Variants in FLRT3 observed in about 807,000 individuals in gnomAD.
FLRT3 encodes fibronectin leucine rich transmembrane protein 3.
A neutral mutation model predicts 42.6 loss-of-function variants in FLRT3; 17 were observed. That is an observed-to-expected ratio of 0.40 (90% CI 0.27 to 0.60). The LOEUF (loss-of-function observed/expected upper bound fraction) is 0.60. Ranked by LOEUF, FLRT3 falls within the 20% of genes least tolerant of loss-of-function variation. The pLI, the probability that FLRT3 is intolerant of heterozygous loss-of-function variation, is 0.44. For missense variants in FLRT3, 635 were observed against 789.2 expected, an observed-to-expected ratio of 0.80 and a Z score of 2.34; for synonymous variants, 279 against 286.4, an observed-to-expected ratio of 0.97 and a Z score of 0.26.
intron 1 of FLRT3, among the ~76,000 whole-genome samples, chr20:14,333,873 C>T (rs1053067249): frequency 2.0e-5 from 3 of 152,182 alleles, no homozygotes; most frequent in African/African-American, 7.2e-5. Flanking sequence ...CAGTGGCACA[C>T]TTTAAAAATG....
At chr20:14,335,106 C>G (rs2082913346) in intron 1 of FLRT3, among the ~76,000 whole-genome samples, 1 of 152,126 alleles carries the variant, frequency 6.6e-6, no homozygotes, top group Non-Finnish European at 1.5e-5. Context: ...GGGCTTAAAA[C>G]TGTTCAAAAT....
rs763459859 is a variant in FLRT3, at chr20:14,325,851, A to G, written c.1656T>C (p.Val552=). 32 of 1,613,934 alleles carry G rather than the reference A, an allele frequency of 2.0e-5. No homozygotes were observed. The highest frequency in any genetic ancestry group is 2.5e-5 in the Non-Finnish European group (29 of 1,179,878). ...TTGAGAAGAGCGATCCATTCCTATGAACATACCAACACACTAAAGCAAGAA... is the reference window on the plus strand; with the variant it reads ...TTGAGAAGAGCGATCCATTCCTATGGACATACCAACACACTAAAGCAAGAA... The part of the protein sequence containing the change: ...IALLALVCWY[V]HRNGSLFSRN... Residue 552 remains valine, a synonymous_variant, in exon 3 of 3, where the codon GTT becomes GTC. Transcript: ENST00000341420.
chr20:14,328,632 T>C (rs2082778049), intron 2 of FLRT3, among the ~76,000 whole-genome samples: 1 of 152,126 alleles, frequency 6.6e-6, no homozygotes, highest in African/African-American at 2.4e-5. Flanking sequence ...AATGCACATA[T>C]ATTATTTTCC....
rs567937570 is a variant in FLRT3, at chr20:14,324,584, C to T, written c.*973G>A. 3 of 152,168 alleles carry T rather than the reference C, an allele frequency of 2.0e-5. No individual in the cohort carries two copies. The highest frequency in any genetic ancestry group is 2.1e-4 in the South Asian group (1 of 4,814). 9.4% of individuals were successfully genotyped at this position (152,168 alleles called of 1,614,324 possible). ...CTTTCTCTGGATTGTTGAGGGGAATCGCTTATAATTACATTACATTTTTAA... is the reference window on the plus strand; with the variant it reads ...CTTTCTCTGGATTGTTGAGGGGAATTGCTTATAATTACATTACATTTTTAA... On this transcript the variant is annotated 3_prime_UTR_variant, in exon 3 of 3. Coordinates refer to ENST00000341420, the MANE Select transcript of FLRT3 (RefSeq NM_198391.3).
intron 2 of FLRT3, among the ~76,000 whole-genome samples, chr20:14,328,066 A>G (rs2082767837): frequency 1.3e-5 from 2 of 152,034 alleles, no homozygotes; most frequent in African/African-American, 2.4e-5. Context: ...AAAAATACCT[A>G]TTCTCTTCAT....
At chr20:14,330,779 T>C (rs1003538134) in intron 1 of FLRT3, among the ~76,000 whole-genome samples, 6 of 152,244 alleles carry the variant, frequency 3.9e-5, no homozygotes, top group African/African-American at 1.4e-4. Context: ...TTTAGGGCTT[T>C]GCTCATTATT....
At chr20:14,332,759 T>C (rs1009295688) in intron 1 of FLRT3, among the ~76,000 whole-genome samples, 2 of 152,084 alleles carry the variant, frequency 1.3e-5, no homozygotes, top group African/African-American at 4.8e-5. Context: ...AGAAAACACA[T>C]GCCTAAACAA....
chr20:14,327,474 G>A lies in FLRT3; in HGVS notation c.33C>T (p.Ile11=), dbSNP rs752914876. The A allele has an allele frequency of 4.1e-5, 66 of 1,612,996 alleles. No individual in the cohort carries two copies. The highest frequency in any genetic ancestry group is 3.3e-4 in the East Asian group (15 of 44,858). ...GAAGGAACAGCCCAATTTTAGTCCC[G>A]ATGAGGAAGATGCTCCAGGCTGCGC... MISAAWSIFL[I]GTKIGLFLQV... Residue 11 remains isoleucine, a synonymous_variant, in exon 3 of 3, where the codon ATC becomes ATT. Transcript: ENST00000341420.
At position 14,326,000 on chromosome 20, in the gene FLRT3, G is replaced by A. The variant is rs1349623689; in HGVS notation, c.1507C>T (p.Pro503Ser). 6.2e-7 allele frequency: 1 copy of A among 1,613,816 alleles called. No homozygotes were observed. Among genetic ancestry groups the A allele is most frequent in the East Asian group, 2.2e-5 (1 of 44,884 alleles). Residue 503 changes from proline to serine, a missense_variant, in exon 3 of 3, where the codon CCC (proline) becomes TCC (serine). Transcript: ENST00000341420. ...GTTGTAGGGTTGTACATTCGAAGGG[G>A]TGCAGTTTCAGTCTCAATACAAACA... ...TPVCIETETA[P>S]LRMYNPTTTL...
At chr20:14,332,721 A>C (rs556903492) in intron 1 of FLRT3, among the ~76,000 whole-genome samples, 50 of 152,264 alleles carry the variant, frequency 3.3e-4, no homozygotes, top group Middle Eastern at 3.4e-3. Context: ...AGTTAGTTGC[A>C]TTGTTTTAAG....
Position 14,326,994 on chromosome 20 carries a change from C to G in FLRT3, c.513G>C (p.Trp171Cys). ...LSRNHLSTIP[W>C]GLPRTIEELR... Reference sequence around the variant, plus strand: ...GTTCTTCTATAGTCCTGGGCAAACCCCAGGGAATTGTGCTAAGGTGATTAC... The same window carrying G: ...GTTCTTCTATAGTCCTGGGCAAACCGCAGGGAATTGTGCTAAGGTGATTAC... The change falls in exon 3 of 3, where the codon TGG becomes TGC. Residue 171 changes from tryptophan to cysteine, a missense_variant. Trp to Cys is a radical substitution (Grantham distance 215, BLOSUM62 -2). Coordinates refer to ENST00000341420, the MANE Select transcript of FLRT3 (RefSeq NM_198391.3). This position sits in a 1 kb window ranked among gnomAD's most constrained non-coding sequence, Gnocchi z 5.5. The G allele has an allele frequency of 1.2e-6, 2 of 1,613,676 alleles. No individual in the cohort carries two copies. Among genetic ancestry groups the G allele is most frequent in the Non-Finnish European group, 1.7e-6 (2 of 1,179,752 alleles).
At position 14,325,445 on chromosome 20, in the gene FLRT3, T is replaced by C. The variant is rs2082717430; in HGVS notation, c.*112A>G. On this transcript the variant is annotated 3_prime_UTR_variant, in exon 3 of 3. Coordinates refer to ENST00000341420, the MANE Select transcript of FLRT3 (RefSeq NM_198391.3). ...ATTATATGGCAAATGTACAGTACATTGCTTTTTTTCAGTCTCTTTTTCCAG... is the reference window on the plus strand; with the variant it reads ...ATTATATGGCAAATGTACAGTACATCGCTTTTTTTCAGTCTCTTTTTCCAG... 3.5e-6 allele frequency: 4 copies of C among 1,151,514 alleles called. No individual in the cohort carries two copies. In the East Asian group the frequency reaches 9.5e-5, roughly 27 times the overall value. The allele number at this position is 1,151,514 out of a possible 1,614,324, so 71.3% of individuals were successfully genotyped here.
At chr20:14,334,806 TA>T (rs780655683) in intron 1 of FLRT3, among the ~76,000 whole-genome samples, 1 of 147,692 alleles carries the variant, frequency 6.8e-6, no homozygotes, top group Non-Finnish European at 1.5e-5. Context: ...TTTTTTTTTT[TA>T]AATAAATGGG....
At chr20:14,332,687 A>C (rs1487052450) in intron 1 of FLRT3, among the ~76,000 whole-genome samples, 1 of 152,178 alleles carries the variant, frequency 6.6e-6, no homozygotes, top group Non-Finnish European at 1.5e-5. Flanking sequence ...CTAAAATCTA[A>C]TGGCATGTAG....
intron 1 of FLRT3, among the ~76,000 whole-genome samples, chr20:14,334,413 T>C (rs1480783434): frequency 6.6e-6 from 1 of 152,182 alleles, no homozygotes; most frequent in African/African-American, 2.4e-5. Context: ...AATGGTGGAA[T>C]GTTAGAAGGA....
At chr20:14,329,466 T>C (rs1229809588) in intron 1 of FLRT3, 139 bp from the exon 2 acceptor site, 1 of 152,124 alleles carries the variant, frequency 6.6e-6, no homozygotes, top group Non-Finnish European at 1.5e-5. Context: ...TAGGTTGACC[T>C]CTTTGTTTTT....
chr20:14,333,032 T>G (rs2082872837), intron 1 of FLRT3, among the ~76,000 whole-genome samples: 1 of 152,032 alleles, frequency 6.6e-6, no homozygotes, highest in Non-Finnish European at 1.5e-5. Flanking sequence ...AAATTTTCCA[T>G]GATCATCAGA....
At chr20:14,331,290 CA>C (rs2082832307) in intron 1 of FLRT3, among the ~76,000 whole-genome samples, 1 of 152,070 alleles carries the variant, frequency 6.6e-6, no homozygotes, top group Non-Finnish European at 1.5e-5. Context: ...TTGATTTTCA[CA>C]TTTTTAACCC....
intron 2 of FLRT3, among the ~76,000 whole-genome samples, chr20:14,327,984 T>TA (rs936269350): frequency 2.0e-5 from 3 of 152,068 alleles, no homozygotes; most frequent in Non-Finnish European, 2.9e-5. Context: ...ATTTTACTGT[T>TA]ATCAAAAAAC....
Sources: gnomAD v4.1 joint callset for allele counts (sites outside exome capture counted in the v4.1 genomes callset) on GRCh38, gnomAD v4.1.1 for gene constraint, Gnocchi (gnomAD v3.1) non-coding constraint, MANE v1.5 for transcripts, NCBI Gene and HGNC (gene_info 2026-07-23, HGNC 2026-07-21) for gene names.